Variants in REDIC1 observed in about 807,000 individuals in gnomAD.
REDIC1 encodes the protein HEI10 Interacting Protein 1.
the REDIC1 span, among the ~76,000 whole-genome samples, chr12:39,652,392 A>G: frequency 6.6e-6 from 1 of 152,258 alleles, no homozygotes; most frequent in South Asian, 2.1e-4. Context: ...CCTTGTCAAC[A>G]CTTGGTACAG....
At chr12:39,662,346 C>T in the REDIC1 span, among the ~76,000 whole-genome samples, 73 of 152,130 alleles carry the variant, frequency 4.8e-4, no homozygotes, top group East Asian at 9.6e-3. Flanking sequence ...AGAGGCCTTT[C>T]ACCTCCTTAG....
chr12:39,812,819 T>C, the REDIC1 span, among the ~76,000 whole-genome samples: 3 of 148,782 alleles, frequency 2.0e-5, no homozygotes. Context: ...GACAAACATT[T>C]AGTTTGTAGT....
At chr12:39,905,476 G>A in the REDIC1 span, among the ~76,000 whole-genome samples, 1 of 152,082 alleles carries the variant, frequency 6.6e-6, no homozygotes, top group Admixed American at 6.6e-5. Flanking sequence ...TAAGTTTCTA[G>A]AAGAGTTGCT....
At chr12:39,798,048 G>C in the REDIC1 span, among the ~76,000 whole-genome samples, 1 of 152,140 alleles carries the variant, frequency 6.6e-6, no homozygotes, top group East Asian at 1.9e-4. Flanking sequence ...AGATATGATG[G>C]TGTCTGTCAG....
chr12:39,902,743 A>C, the REDIC1 span, among the ~76,000 whole-genome samples: 2 of 152,132 alleles, frequency 1.3e-5, no homozygotes, highest in Non-Finnish European at 2.9e-5. Flanking sequence ...AGATTAAAAA[A>C]AGATATAATG....
At chr12:39,712,141 C>T in the REDIC1 span, among the ~76,000 whole-genome samples, 1 of 24,182 alleles carries the variant, frequency 4.1e-5, no homozygotes, top group Non-Finnish European at 1.4e-4. Context: ...TGTACATATA[C>T]ATACATCTAT....
At chr12:39,628,286 A>T in the REDIC1 span, among the ~76,000 whole-genome samples, 5 of 152,098 alleles carry the variant, frequency 3.3e-5, no homozygotes, top group Admixed American at 3.3e-4. Context: ...AAAGCCCCAG[A>T]TTGGTAATAA....
At chr12:39,898,176 T>C in the REDIC1 span, among the ~76,000 whole-genome samples, 1 of 152,158 alleles carries the variant, frequency 6.6e-6, no homozygotes, top group Non-Finnish European at 1.5e-5. Context: ...TTAGGATAAA[T>C]TTCTAGAAGT....
At chr12:39,843,603 A>G in the REDIC1 span, among the ~76,000 whole-genome samples, 1,223 of 152,204 alleles carry the variant, frequency 8.0e-3, 16 homozygotes, top group African/African-American at 0.028. Flanking sequence ...GTGGCCATAC[A>G]ATGAGAGTAT....
At chr12:39,711,345 CTA>C in the REDIC1 span, among the ~76,000 whole-genome samples, 3 of 145,542 alleles carry the variant, frequency 2.1e-5, no homozygotes, top group African/African-American at 7.5e-5. Flanking sequence ...ATATATACAT[CTA>C]TATGTATATA....
At chr12:39,672,605 GTC>G in the REDIC1 span, among the ~76,000 whole-genome samples, 175 of 152,258 alleles carry the variant, frequency 1.1e-3, 1 homozygote, top group Middle Eastern at 3.4e-3. Flanking sequence ...GCAGGCTTCT[GTC>G]TCTGGGGAGC....
chr12:39,758,136 A>ATTG, the REDIC1 span: 1 of 151,628 alleles, frequency 6.6e-6, no homozygotes, highest in Admixed American at 6.6e-5. Flanking sequence ...TTGGAAATCA[A>ATTG]TTGTTAAAGC....
chr12:39,696,068 A>G, the REDIC1 span, among the ~76,000 whole-genome samples: 1 of 152,304 alleles, frequency 6.6e-6, no homozygotes, highest in Non-Finnish European at 1.5e-5. Context: ...TATAGCAGAT[A>G]CAGCTTAGGT....
the REDIC1 span, among the ~76,000 whole-genome samples, chr12:39,779,008 C>T: frequency 2.0e-5 from 3 of 152,034 alleles, no homozygotes; most frequent in African/African-American, 4.8e-5. Context: ...AGAACCAGGA[C>T]GTAGGTAATA....
At chr12:39,756,321 T>A in the REDIC1 span, 1 of 151,956 alleles carries the variant, frequency 6.6e-6, no homozygotes, top group Non-Finnish European at 1.5e-5. Context: ...TACTCATAGA[T>A]ACTGAAAAGG....
chr12:39,721,325 A>G, the REDIC1 span: 1 of 1,267,806 alleles, frequency 7.9e-7, no homozygotes, highest in South Asian at 1.3e-5. Context: ...TGAAAATTTC[A>G]TTAACATGAT....
chr12:39,683,516 A>T, the REDIC1 span: 1 of 1,463,350 alleles, frequency 6.8e-7, no homozygotes, highest in Non-Finnish European at 9.5e-7. Context: ...GGGAATACAA[A>T]TCAGGATCTA....
the REDIC1 span, among the ~76,000 whole-genome samples, chr12:39,777,014 T>C: frequency 6.6e-6 from 1 of 152,114 alleles, no homozygotes; most frequent in Non-Finnish European, 1.5e-5. Context: ...CTATGGGAGG[T>C]AATATATTAA....
the REDIC1 span, chr12:39,683,089 C>G: frequency 6.2e-7 from 1 of 1,611,396 alleles, no homozygotes; most frequent in East Asian, 2.2e-5. Context: ...AAGAAATGAT[C>G]TTAGTACATC....
Sources: gnomAD v4.1 joint callset for allele counts (sites outside exome capture counted in the v4.1 genomes callset) on GRCh38, gnomAD v4.1.1 for gene constraint, MANE v1.5 for transcripts, NCBI Gene and HGNC (gene_info 2026-07-23, HGNC 2026-07-21) for gene names.